The following SPDYA variants were observed in gnomAD, a reference collection of about 807,000 sequenced individuals.
The protein encoded by SPDYA is speedy/RINGO cell cycle regulator family member A.
SPDYA carries 11 observed loss-of-function variants against 36.7 expected under a neutral mutation model. That is an observed-to-expected ratio of 0.30 (90% CI 0.19 to 0.50). The LOEUF is 0.50. SPDYA is among the 20% of genes least tolerant of loss of function. The pLI is 0.98. For synonymous variants in SPDYA, 115 were observed against 118.7 expected, an observed-to-expected ratio of 0.97 and a Z score of 0.20; for missense variants, 287 against 370.9, an observed-to-expected ratio of 0.77 and a Z score of 1.86.
At chr2:28,814,980 C>A (rs1484403445) in intron 2 of SPDYA, among the ~76,000 whole-genome samples, 2 of 152,070 alleles carry the variant, frequency 1.3e-5, no homozygotes, top group Non-Finnish European at 2.9e-5. Context: ...CATACACTTA[C>A]AACTTTAAAA....
chr2:28,824,482 A>C (rs899674936), intron 5 of SPDYA, among the ~76,000 whole-genome samples: 6 of 107,792 alleles, frequency 5.6e-5, no homozygotes, highest in African/African-American at 2.2e-4. Context: ...TCAGGAGAAA[A>C]AAAAAAAAAC....
chr2:28,814,082 G>A (rs113054273), intron 1 of SPDYA, among the ~76,000 whole-genome samples: 18 of 152,292 alleles, frequency 1.2e-4, no homozygotes, highest in African/African-American at 3.9e-4. Flanking sequence ...TGGGATGAGA[G>A]GAGCAATTAG....
At chr2:28,845,860 T>C (rs545289408) in intron 7 of SPDYA, among the ~76,000 whole-genome samples, 1 of 152,302 alleles carries the variant, frequency 6.6e-6, no homozygotes, top group African/African-American at 2.4e-5. Flanking sequence ...GCTCATTTTC[T>C]ACGATTAATC....
chr2:28,819,909 C>A (rs1461837741), intron 4 of SPDYA, among the ~76,000 whole-genome samples: 5 of 108,480 alleles, frequency 4.6e-5, no homozygotes, highest in African/African-American at 1.2e-4. Context: ...TATATTTTAT[C>A]CTGAGGCAGG....
intron 5 of SPDYA, among the ~76,000 whole-genome samples, chr2:28,827,650 TTC>T (rs1453679625): frequency 6.6e-6 from 1 of 152,216 alleles, no homozygotes; most frequent in African/African-American, 2.4e-5. Context: ...TGGTTTTTTT[TTC>T]TCTGAGTACT....
chr2:28,825,389 G>T (rs1668291420), intron 5 of SPDYA, among the ~76,000 whole-genome samples: 1 of 152,024 alleles, frequency 6.6e-6, no homozygotes, highest in African/African-American at 2.4e-5. Context: ...TTATCTGTAA[G>T]GTTGTACTGC....
At chr2:28,814,291 A>C (rs755561078) in intron 1 of SPDYA, among the ~76,000 whole-genome samples, 9 of 152,208 alleles carry the variant, frequency 5.9e-5, no homozygotes, top group Admixed American at 2.0e-4. Flanking sequence ...ACTGTTGAAA[A>C]ATTAGTATCA....
At chr2:28,813,575 G>A (rs560941631) in intron 1 of SPDYA, among the ~76,000 whole-genome samples, 96 of 146,818 alleles carry the variant, frequency 6.5e-4, no homozygotes, top group Non-Finnish European at 1.2e-3. Context: ...TTTTTGAGAC[G>A]GAGTCTTGCT....
At chr2:28,843,504 G>A (rs1057005949) in intron 7 of SPDYA, among the ~76,000 whole-genome samples, 1 of 150,708 alleles carries the variant, frequency 6.6e-6, no homozygotes, top group Non-Finnish European at 1.5e-5. Flanking sequence ...GAGCTGAGAT[G>A]GTGCCACTGC....
At chr2:28,819,875 T>A (rs373142096) in intron 4 of SPDYA, among the ~76,000 whole-genome samples, 63 of 26,280 alleles carry the variant, frequency 2.4e-3, no homozygotes, top group Non-Finnish European at 4.3e-3. Flanking sequence ...TATATATATA[T>A]ATATATATAT....
At chr2:28,817,589 T>C (rs1343424136) in intron 3 of SPDYA, among the ~76,000 whole-genome samples, 1 of 146,646 alleles carries the variant, frequency 6.8e-6, no homozygotes, top group Non-Finnish European at 1.5e-5. Flanking sequence ...TAAATAGAAT[T>C]AATGGGCCAG....
At chr2:28,826,356 C>A (rs1272485088) in intron 5 of SPDYA, among the ~76,000 whole-genome samples, 1 of 152,018 alleles carries the variant, frequency 6.6e-6, no homozygotes, top group Non-Finnish European at 1.5e-5. Flanking sequence ...AAGCTGGCCT[C>A]AAACTCCTGA....
chr2:28,840,376 GC>G lies in SPDYA; in HGVS notation c.758del (p.Ala253GlufsTer3). On this transcript the variant is annotated frameshift_variant, in exon 7 of 8. Transcript: ENST00000334056. LOFTEE classifies it high-confidence loss of function. ...SSSSSLSSHT[A>X]GVTEKHSQDS... is the part of the protein sequence containing the mutation. ...ATCATCATCTTTATCCAGTCATACA[GC>G]AGGGGTGACAGAAAAACATTCTCAG... The G allele has an allele frequency of 6.2e-7, 1 of 1,612,014 alleles. No individual in the cohort carries two copies. Among genetic ancestry groups the G allele is most frequent in the Admixed American group, 1.7e-5 (1 of 59,562 alleles).
At chr2:28,836,946 C>A (rs1431333987) in intron 6 of SPDYA, among the ~76,000 whole-genome samples, 1 of 152,214 alleles carries the variant, frequency 6.6e-6, no homozygotes, top group Admixed American at 6.5e-5. Flanking sequence ...CAGCCCCTTT[C>A]ATGCATCATG....
chr2:28,816,022 A>C lies in SPDYA; in HGVS notation c.8A>C (p.His3Pro). Residue 3 changes from histidine to proline, a missense_variant, in exon 3 of 8, where the codon CAC (histidine) becomes CCC (proline). Coordinates refer to ENST00000334056, the MANE Select transcript of SPDYA (RefSeq NM_182756.4). Reference protein sequence around the residue: MRHNQMCCETPPT... With the variant: MRPNQMCCETPPT... ...GAATATTGGGAAACCAAAATGAGGC[A>C]CAATCAGATGTGTTGTGAGACACCA... 2 of 1,606,672 alleles carry C rather than the reference A, an allele frequency of 1.2e-6. No individual in the cohort carries two copies. Among genetic ancestry groups the C allele is most frequent in the Non-Finnish European group, 1.7e-6 (2 of 1,178,074 alleles).
In SPDYA at chr2:28,850,300, T is replaced by C. The variant is rs1669019704; in HGVS notation, c.*359T>C. The C allele has an allele frequency of 1.9e-6, 3 of 1,601,984 alleles. No homozygotes were observed. Among genetic ancestry groups the C allele is most frequent in the African/African-American group, 1.3e-5 (1 of 74,468 alleles). On this transcript the variant is annotated 3_prime_UTR_variant, in exon 8 of 8. Transcript: ENST00000334056. The stretch of plus-strand genomic sequence containing the variant: ...ATATTAATTAAAAGAAAAAACACCA[T>C]TTAATATGTTCTGAAAACATTACTC...
chr2:28,839,107 C>T (rs1262982734), intron 6 of SPDYA, among the ~76,000 whole-genome samples: 1 of 152,146 alleles, frequency 6.6e-6, no homozygotes, highest in East Asian at 1.9e-4. Flanking sequence ...CTCATCTAGT[C>T]CTCAGAATAA....
At chr2:28,819,175 G>T in intron 4 of SPDYA, 69 bp downstream of exon 4, 1 of 1,144,614 alleles carries the variant, frequency 8.7e-7, no homozygotes, top group South Asian at 1.4e-5. Context: ...GCTTTAATGA[G>T]ACCTTATAAG....
rs569277872 is a variant in SPDYA at position 28,813,200 on chromosome 2, T to G, written c.-92-1413T>G. On this transcript the variant is annotated intron_variant, in intron 1 of 7. Coordinates refer to ENST00000334056, the MANE Select transcript of SPDYA (RefSeq NM_182756.4). ...CAGACATTTTCTTCTCATTCAGTTT[T>G]CTGAAATTGTATGGGAAATATCCCA... is the stretch of plus-strand genomic sequence containing the variant. Among the ~76,000 whole-genome samples the G allele has an allele frequency of 5.9e-5, 9 of 152,350 alleles. No individual in the cohort carries two copies. In the East Asian group the frequency reaches 1.7e-3, roughly 29 times the overall value.
Sources: allele counts gnomAD v4.1 joint callset (sites outside exome capture counted in the v4.1 genomes callset), GRCh38; gene constraint gnomAD v4.1.1; transcripts MANE v1.5; gene names NCBI Gene and HGNC (gene_info 2026-07-23, HGNC 2026-07-21).